NLK: variants seen among roughly 807,000 people sequenced by gnomAD.
The protein encoded by NLK is serine/threonine-protein kinase NLK.
In NLK, 11 loss-of-function variants were observed where a neutral mutation model predicts 59.0. The observed-to-expected ratio is 0.19, with a 90% CI of 0.12 to 0.31. NLK has a LOEUF of 0.31. NLK is among the 10% of genes least tolerant of loss of function. NLK has a pLI of 1.00. For missense variants in NLK, 410 were observed against 661.1 expected, an observed-to-expected ratio of 0.62 and a Z score of 4.16; for synonymous variants, 235 against 235.9, an observed-to-expected ratio of 1.00 and a Z score of 0.03.
intron 3 of NLK, among the ~76,000 whole-genome samples, chr17:28,156,226 C>T (rs1907709960): frequency 6.6e-6 from 1 of 152,134 alleles, no homozygotes; most frequent in African/African-American, 2.4e-5. Context: ...CAATATTAAT[C>T]ATTTTGCCAA....
At chr17:28,203,083 G>A in the NLK span, among the ~76,000 whole-genome samples, 1 of 151,936 alleles carries the variant, frequency 6.6e-6, no homozygotes, top group Non-Finnish European at 1.5e-5. Flanking sequence ...AGCTATGGGG[G>A]TTCTCCTTCT....
At chr17:28,199,863 T>TCACAACATG (rs1353628002), downstream of NLK, among the ~76,000 whole-genome samples, 1 of 151,972 alleles carries the variant, frequency 6.6e-6, no homozygotes, top group Admixed American at 6.6e-5. Flanking sequence ...TACAAAGAAA[T>TCACAACATG]CACAACATGA....
At chr17:28,145,073 G>A (rs1202534305) in intron 3 of NLK, among the ~76,000 whole-genome samples, 1 of 152,168 alleles carries the variant, frequency 6.6e-6, no homozygotes, top group Non-Finnish European at 1.5e-5. Flanking sequence ...ATCTTTGGCA[G>A]TGGGTTTAAA....
chr17:28,109,647 A>G (rs971822077), intron 1 of NLK, among the ~76,000 whole-genome samples: 4 of 152,170 alleles, frequency 2.6e-5, no homozygotes, highest in Admixed American at 2.0e-4. Context: ...TTCACTTAGC[A>G]TAATGTTTTT....
intron 1 of NLK, among the ~76,000 whole-genome samples, chr17:28,102,931 T>C (rs1904953177): frequency 6.6e-6 from 1 of 152,164 alleles, no homozygotes; most frequent in African/African-American, 2.4e-5. Flanking sequence ...AGTAAAGGTA[T>C]ATGGAAAGAG....
At chr17:28,115,281 A>G (rs1239957386) in intron 1 of NLK, among the ~76,000 whole-genome samples, 1 of 152,244 alleles carries the variant, frequency 6.6e-6, no homozygotes, top group East Asian at 1.9e-4. Context: ...TTCTGTTGGC[A>G]GAGCCTAACA....
intron 1 of NLK, among the ~76,000 whole-genome samples, chr17:28,064,664 C>T (rs1909769653): frequency 6.6e-6 from 1 of 152,178 alleles, no homozygotes. Flanking sequence ...TCCCAAGTAG[C>T]TGGGACTACA....
At chr17:28,096,486 A>C (rs1904705497) in intron 1 of NLK, among the ~76,000 whole-genome samples, 1 of 152,192 alleles carries the variant, frequency 6.6e-6, no homozygotes, top group Non-Finnish European at 1.5e-5. Context: ...TCAGATATCT[A>C]GTCCTAAGGG....
intron 1 of NLK, among the ~76,000 whole-genome samples, chr17:28,104,104 T>G (rs944580703): frequency 6.6e-6 from 1 of 152,206 alleles, no homozygotes; most frequent in South Asian, 2.1e-4. Context: ...ATGTAAAATG[T>G]TTTTCTAACC....
chr17:28,087,028 A>G (rs1262852440), intron 1 of NLK, among the ~76,000 whole-genome samples: 5 of 151,700 alleles, frequency 3.3e-5, no homozygotes, highest in African/African-American at 4.8e-5. Context: ...AGCCTGGGTG[A>G]CACCCCATGA....
intron 1 of NLK, among the ~76,000 whole-genome samples, chr17:28,045,074 A>C (rs569790500): frequency 6.6e-6 from 1 of 152,220 alleles, no homozygotes; most frequent in Non-Finnish European, 1.5e-5. Context: ...ACGTTCTGCT[A>C]GTGGGTACTA....
rs1907970659 is a variant in NLK at position 28,160,674 on chromosome 17, CTA to C, written c.645-485_645-484del. 2.6e-5 allele frequency among the ~76,000 whole-genome samples: 4 copies of C among 152,278 alleles called. No individual in the cohort carries two copies. In the South Asian group the frequency reaches 8.3e-4, roughly 32 times the overall value. On this transcript the variant is annotated intron_variant, in intron 3 of 10. Transcript: ENST00000407008. ...TTACTAAGATTGTGGAGAGACTTAA[CTA>C]ATTATTTTACATGTGTTTAGGAATA...
At chr17:28,131,586 T>TAAAAA (rs35804817) in intron 2 of NLK, among the ~76,000 whole-genome samples, 13 of 83,710 alleles carry the variant, frequency 1.6e-4, no homozygotes, top group African/African-American at 4.7e-4. Flanking sequence ...TTCTCTGTAG[T>TAAAAA]AAAAAAAAAA....
At chr17:28,197,303 T>C (rs1298327115), downstream of NLK, among the ~76,000 whole-genome samples, 2 of 152,146 alleles carry the variant, frequency 1.3e-5, no homozygotes, top group East Asian at 3.9e-4. Context: ...ACCCCATCTC[T>C]ACTAAAAATA....
chr17:28,073,731 C>G (rs978348335), intron 1 of NLK, among the ~76,000 whole-genome samples: 3 of 152,154 alleles, frequency 2.0e-5, no homozygotes, highest in African/African-American at 7.2e-5. Context: ...ATGTTCTTCT[C>G]TTTAGGTATT....
intron 7 of NLK, among the ~76,000 whole-genome samples, chr17:28,184,729 C>G (rs192501661): frequency 2.2e-4 from 34 of 152,266 alleles, no homozygotes; most frequent in Admixed American, 1.8e-3. Context: ...AGGCAGATCA[C>G]TTGAGGTCAG....
chr17:28,088,817 C>T lies in NLK; in HGVS notation c.459-33786C>T, dbSNP rs146846811. Among the ~76,000 whole-genome samples the T allele has an allele frequency of 1.5e-3, 230 of 152,194 alleles. 1 individual carries two copies. The highest frequency in any genetic ancestry group is 6.8e-3 in the Middle Eastern group (2 of 294). On this transcript the variant is annotated intron_variant, in intron 1 of 10. Transcript: ENST00000407008. ...TTCCCTTGGCACTAGAGGTACTCAT[C>T]GCTTGGGTTTGTCATTGTTTCTAGG...
At chr17:28,114,859 A>G (rs1357535014) in intron 1 of NLK, among the ~76,000 whole-genome samples, 2 of 152,224 alleles carry the variant, frequency 1.3e-5, no homozygotes. Flanking sequence ...CCAGTTATTT[A>G]AACAGAGTTT....
At chr17:28,086,760 T>C (rs1910530692) in intron 1 of NLK, among the ~76,000 whole-genome samples, 1 of 151,806 alleles carries the variant, frequency 6.6e-6, no homozygotes, top group Non-Finnish European at 1.5e-5. Flanking sequence ...AGGCTGAGAG[T>C]GGTGGCTCAC....
Sources: gnomAD v4.1 joint callset for allele counts (sites outside exome capture counted in the v4.1 genomes callset) on GRCh38, gnomAD v4.1.1 for gene constraint, MANE v1.5 for transcripts, NCBI Gene and HGNC (gene_info 2026-07-23, HGNC 2026-07-21) for gene names.